Variants in CD200R1 observed in about 807,000 individuals in gnomAD.
CD200R1 encodes cell surface glycoprotein CD200 receptor 1.
Under a neutral mutation model 38.1 loss-of-function variants are expected in CD200R1, and 30 were observed. The ratio of observed to expected loss-of-function variants is 0.79; its 90% CI spans 0.59 to 1.07. The LOEUF (loss-of-function observed/expected upper bound fraction) is 1.07, where lower values mean the gene tolerates loss of function less well. Ranked by LOEUF, CD200R1 falls within the 50% of genes least tolerant of loss-of-function variation. CD200R1 has a pLI of 0.00. For synonymous variants in CD200R1, 128 were observed against 152.1 expected, an observed-to-expected ratio of 0.84 and a Z score of 1.16; for missense variants, 372 against 415.4, an observed-to-expected ratio of 0.90 and a Z score of 0.91.
intron 2 of CD200R1, among the ~76,000 whole-genome samples, chr3:112,942,008 G>A (rs1325602191): frequency 6.6e-6 from 1 of 151,548 alleles, no homozygotes. Flanking sequence ...AAAACTGAAG[G>A]AGAAATAAAG....
Position 112,923,583 on chromosome 3 carries a change from A to G in CD200R1, c.*94T>C. The G allele has an allele frequency of 1.6e-6, 1 of 639,078 alleles. No individual in the cohort carries two copies. The highest frequency in any genetic ancestry group is 2.5e-5 in the South Asian group (1 of 40,432). The allele number at this position is 639,078 out of a possible 1,614,324, so 39.6% of individuals were successfully genotyped here. ...TAAGAACCTTGGAAAACCTAATTTC[A>G]ATATAAGTCTTCATTCTAGAACTGT... On this transcript the variant is annotated 3_prime_UTR_variant, in exon 8 of 8. Coordinates refer to ENST00000308611, the MANE Select transcript of CD200R1 (RefSeq NM_138806.4).
At chr3:112,931,255 C>T in intron 2 of CD200R1, 84 bp from the exon 3 acceptor site, 1 of 792,192 alleles carries the variant, frequency 1.3e-6, no homozygotes, top group Non-Finnish European at 2.2e-6. Context: ...AAGTCTTATC[C>T]AACATGATAG....
At chr3:112,932,182 G>C (rs1340545655) in intron 2 of CD200R1, among the ~76,000 whole-genome samples, 1 of 152,082 alleles carries the variant, frequency 6.6e-6, no homozygotes, top group Admixed American at 6.5e-5. Flanking sequence ...CCATGGACTA[G>C]AGCCACTTTT....
At chr3:112,973,229 A>G (rs1229798703) in intron 1 of CD200R1, among the ~76,000 whole-genome samples, 1 of 152,188 alleles carries the variant, frequency 6.6e-6, no homozygotes, top group Non-Finnish European at 1.5e-5. Context: ...GTCCTACACA[A>G]GTTGCTATAA....
chr3:112,923,634 G>T lies in CD200R1; in HGVS notation c.*43C>A. ...AAGAAAATCAGACAGTAATTATAATGTATCTCGTTTGTTGTTGTTTCTTGG... is the reference window on the plus strand; with the variant it reads ...AAGAAAATCAGACAGTAATTATAATTTATCTCGTTTGTTGTTGTTTCTTGG... On this transcript the variant is annotated 3_prime_UTR_variant, in exon 8 of 8. Coordinates refer to ENST00000308611, the MANE Select transcript of CD200R1 (RefSeq NM_138806.4). 3 of 940,864 alleles carry T rather than the reference G, an allele frequency of 3.2e-6. No individual in the cohort carries two copies. The highest frequency in any genetic ancestry group is 5.1e-6 in the Non-Finnish European group (3 of 592,568). 58.3% of individuals were successfully genotyped at this position (940,864 alleles called of 1,614,324 possible). A position where few individuals can be genotyped will look rare whatever the true frequency, so the allele number is the denominator to read the frequency against.
chr3:112,957,638 T>C (rs527283321), intron 1 of CD200R1, among the ~76,000 whole-genome samples: 201 of 152,256 alleles, frequency 1.3e-3, no homozygotes, highest in African/African-American at 4.4e-3. Flanking sequence ...ATCTGATAAA[T>C]TGGACATTAA....
chr3:112,949,845 G>C (rs1940938760), intron 1 of CD200R1, among the ~76,000 whole-genome samples: 1 of 152,202 alleles, frequency 6.6e-6, no homozygotes, highest in East Asian at 1.9e-4. Flanking sequence ...AACGGGAATA[G>C]TTAAGTTCGG....
intron 2 of CD200R1, among the ~76,000 whole-genome samples, chr3:112,939,743 T>C (rs1325958482): frequency 1.3e-5 from 2 of 150,794 alleles, no homozygotes; most frequent in African/African-American, 4.9e-5. Flanking sequence ...TAAATGTAAT[T>C]ACTATCAAGA....
At position 112,955,453 on chromosome 3, in the gene CD200R1, C is replaced by T. The variant is rs141798631; in HGVS notation, c.68-7529G>A. On this transcript the variant is annotated intron_variant, in intron 1 of 7. Coordinates refer to ENST00000308611, the MANE Select transcript of CD200R1 (RefSeq NM_138806.4). ...TATATATATTTACAATTGTTATATG[C>T]TCTTACTAAATTGACCTCTTTATCA... is the stretch of plus-strand genomic sequence containing the variant. Among the ~76,000 whole-genome samples, 474 of 151,586 alleles carry T rather than the reference C, an allele frequency of 3.1e-3. 3 individuals carry two copies. The highest frequency in any genetic ancestry group is 0.011 in the African/African-American group (457 of 41,362).
Position 112,975,055 on chromosome 3 carries a change from G to C in CD200R1, c.-198C>G. The C allele has an allele frequency of 1.8e-6, 1 of 555,168 alleles. No individual in the cohort carries two copies. The highest frequency in any genetic ancestry group is 2.8e-5 in the East Asian group (1 of 35,704). 34.4% of individuals were successfully genotyped at this position (555,168 alleles called of 1,614,324 possible). A position where few individuals can be genotyped will look rare whatever the true frequency, so the allele number is the denominator to read the frequency against. ...GTTTAGCCTGGTTAGTAACTTGGAC[G>C]AACAGAAGCTTTTCTCTGGAACTTG... On this transcript the variant is annotated 5_prime_UTR_variant, in exon 1 of 8. Coordinates refer to ENST00000308611, the MANE Select transcript of CD200R1 (RefSeq NM_138806.4).
chr3:112,951,814 A>C (rs1940974434), intron 1 of CD200R1, among the ~76,000 whole-genome samples: 1 of 151,490 alleles, frequency 6.6e-6, no homozygotes, highest in African/African-American at 2.4e-5. Context: ...AAAAAAAGGT[A>C]ATAAAAGTTG....
chr3:112,958,681 T>C (rs1932923320), intron 1 of CD200R1, among the ~76,000 whole-genome samples: 1 of 152,106 alleles, frequency 6.6e-6, no homozygotes, highest in Admixed American at 6.5e-5. Context: ...TCAGAAACAT[T>C]GGGTTTTAAC....
At position 112,938,203 on chromosome 3, in the gene CD200R1, C is replaced by A. The variant is rs116865593; in HGVS notation, c.137-7032G>T. Among the ~76,000 whole-genome samples the A allele has an allele frequency of 2.1e-3, 322 of 152,016 alleles. 8 individuals are homozygous for A. The East Asian group carries it at 0.054, about 26-fold the overall frequency. On this transcript the variant is annotated intron_variant, in intron 2 of 7. Transcript: ENST00000308611. ...TTGTTTCTTTCTCTTGCATGATTAC[C>A]CTGGCCACAACTTCCAATACCATGT...
chr3:112,945,111 T>C (rs1352781299), intron 2 of CD200R1, among the ~76,000 whole-genome samples: 2 of 152,166 alleles, frequency 1.3e-5, no homozygotes, highest in African/African-American at 2.4e-5. Flanking sequence ...TGTTCACAGA[T>C]AGGGTGAATG....
At chr3:112,928,525 T>G in intron 5 of CD200R1, among the ~76,000 whole-genome samples, 1 of 152,304 alleles carries the variant, frequency 6.6e-6, no homozygotes, top group Admixed American at 6.5e-5. Flanking sequence ...TACTTTATCT[T>G]TCAATAAGCC....
At chr3:112,973,756 T>C (rs1006283595) in intron 1 of CD200R1, among the ~76,000 whole-genome samples, 1 of 152,128 alleles carries the variant, frequency 6.6e-6, no homozygotes. Flanking sequence ...ATTATCAAAT[T>C]ATAACATTTA....
intron 5 of CD200R1, 151 bp downstream of exon 5, chr3:112,928,665 C>A (rs2141347): frequency 0.05 from 31,954 of 634,816 alleles, 1,449 homozygotes; most frequent in East Asian, 0.19. Context: ...CTATTCTCCT[C>A]AACTCATCTC....
At chr3:112,955,153 CAT>C (rs1466178869) in intron 1 of CD200R1, among the ~76,000 whole-genome samples, 1 of 152,210 alleles carries the variant, frequency 6.6e-6, no homozygotes, top group Non-Finnish European at 1.5e-5. Flanking sequence ...AGTGGTCTAA[CAT>C]ATGATCTATC....
At chr3:112,925,337 C>G (rs1384670666) in intron 5 of CD200R1, 144 bp from the exon 6 acceptor site, 1 of 555,212 alleles carries the variant, frequency 1.8e-6, no homozygotes, top group Non-Finnish European at 3.2e-6. Context: ...GTGAAACATG[C>G]CAATCTGGAA....
Sources: gnomAD v4.1 joint callset for allele counts (sites outside exome capture counted in the v4.1 genomes callset) on GRCh38, gnomAD v4.1.1 for gene constraint, MANE v1.5 for transcripts, NCBI Gene and HGNC (gene_info 2026-07-23, HGNC 2026-07-21) for gene names.